The following KYAT3 variants were observed in gnomAD, a reference collection of about 807,000 sequenced individuals.
The protein encoded by KYAT3 is kynurenine aminotransferase 3.
A neutral mutation model predicts 59.0 loss-of-function variants in KYAT3; 50 were observed. That is an observed-to-expected ratio of 0.85 (90% confidence interval 0.68 to 1.07). The LOEUF (loss-of-function observed/expected upper bound fraction) is 1.07, where lower values mean the gene tolerates loss of function less well. Among genes scored for constraint, KYAT3 ranks in the 50% least tolerant of loss-of-function variants. The pLI, the probability that KYAT3 is intolerant of heterozygous loss-of-function variation, is 0.00. For missense variants in KYAT3, 497 were observed against 533.3 expected (o/e 0.93, Z 0.67); for synonymous variants, 148 against 177.0 (o/e 0.84, Z 1.30).
rs565824574 is a variant in KYAT3, at chr1:88,936,019, C to A, written c.*164G>T. 47 of 514,630 alleles carry A rather than the reference C, an allele frequency of 9.1e-5. No homozygotes were observed. Among genetic ancestry groups the A allele is most frequent in the Non-Finnish European group, 1.6e-4 (46 of 286,790 alleles). 31.9% of individuals were successfully genotyped at this position (514,630 alleles called of 1,614,324 possible). ...CAACTGGAAAAAAAAGGTCAGATCC[C>A]CCGAAAATGTTGTTAGGAGTTGGGT... is the stretch of plus-strand genomic sequence containing the variant. On this transcript the variant is annotated 3_prime_UTR_variant, in exon 14 of 14. Transcript: ENST00000260508.
At chr1:88,969,215 A>C (rs1389922512) in intron 3 of KYAT3, among the ~76,000 whole-genome samples, 194 bp downstream of exon 3, 1 of 152,222 alleles carries the variant, frequency 6.6e-6, no homozygotes, top group African/African-American at 2.4e-5. Flanking sequence ...GTGTCCAGCA[A>C]AGGGCATGGC....
At chr1:88,951,594 C>T (rs1222794977) in intron 10 of KYAT3, among the ~76,000 whole-genome samples, 2 of 151,330 alleles carry the variant, frequency 1.3e-5, no homozygotes, top group African/African-American at 4.8e-5. Context: ...TTTGATTATC[C>T]ATAGAATGAT....
intron 4 of KYAT3, among the ~76,000 whole-genome samples, chr1:88,965,741 C>G (rs543915202): frequency 1.3e-5 from 2 of 152,176 alleles, no homozygotes; most frequent in African/African-American, 4.8e-5. Flanking sequence ...TTCTGTCCAG[C>G]ATCTACCTCC....
At chr1:88,988,989 G>A (rs762398441) in intron 1 of KYAT3, among the ~76,000 whole-genome samples, 36 of 152,202 alleles carry the variant, frequency 2.4e-4, no homozygotes, top group Non-Finnish European at 4.1e-4. Context: ...ATTGATATCC[G>A]TCATGGGTAA....
rs5776007 is a variant in KYAT3 at position 88,941,531 on chromosome 1, AT to A, written c.1302+1473del. 1.4e-3 allele frequency among the ~76,000 whole-genome samples: 201 copies of A among 146,256 alleles called. No individual in the cohort carries two copies. The South Asian group carries it at 0.017, about 12-fold the overall frequency. On this transcript the variant is annotated intron_variant, in intron 13 of 13. Coordinates refer to ENST00000260508, the MANE Select transcript of KYAT3 (RefSeq NM_001008661.3). The stretch of plus-strand genomic sequence containing the variant: ...CCTAGATATAGCATTCTAGGCTGTT[AT>A]TTTTTTTTTTTTATGTCAGTGCTCA...
chr1:88,941,744 A>G (rs1675243432), intron 13 of KYAT3, among the ~76,000 whole-genome samples: 1 of 152,064 alleles, frequency 6.6e-6, no homozygotes, highest in Non-Finnish European at 1.5e-5. Context: ...GGATCTCACT[A>G]TGTTTCCCAG....
At chr1:88,943,854 T>A (rs1675337084) in intron 11 of KYAT3, among the ~76,000 whole-genome samples, 1 of 152,206 alleles carries the variant, frequency 6.6e-6, no homozygotes, top group Admixed American at 6.5e-5. Context: ...AAAAGTAAAG[T>A]GTCTGTTTGG....
intron 2 of KYAT3, among the ~76,000 whole-genome samples, chr1:88,977,193 A>T (rs956192304): frequency 6.0e-5 from 9 of 149,350 alleles, no homozygotes; most frequent in South Asian, 2.1e-4. Context: ...TTTTGTATTT[A>T]AAAAAAAATT....
chr1:88,930,986 A>G (rs548703105), downstream of KYAT3, among the ~76,000 whole-genome samples: 24 of 152,324 alleles, frequency 1.6e-4, no homozygotes, highest in African/African-American at 5.8e-4. Flanking sequence ...CCTCCAGGAA[A>G]CCAAGCCCCG....
the KYAT3 span, among the ~76,000 whole-genome samples, chr1:88,927,215 A>C: frequency 6.6e-6 from 1 of 151,874 alleles, no homozygotes; most frequent in Non-Finnish European, 1.5e-5. Context: ...GATGGGAAAC[A>C]TTCCCCCCAA....
intron 9 of KYAT3, 123 bp downstream of exon 9, chr1:88,955,026 A>G (rs1408876515): frequency 1.6e-6 from 1 of 645,034 alleles, no homozygotes; most frequent in African/African-American, 1.9e-5. Flanking sequence ...TTAGCCTCCC[A>G]AAGTGCTGGG....
rs145294121 is a variant in KYAT3, at chr1:88,973,031, G to A, written c.100-3564C>T. The stretch of plus-strand genomic sequence containing the variant: ...AATTAGTTAAGATGAGGTCATTAGC[G>A]TGAACCCTAATCCAATATGACTGGT... On this transcript the variant is annotated intron_variant, in intron 2 of 13. Coordinates refer to ENST00000260508, the MANE Select transcript of KYAT3 (RefSeq NM_001008661.3). Among the ~76,000 whole-genome samples, 964 of 152,246 alleles carry A rather than the reference G, an allele frequency of 6.3e-3. 9 individuals are homozygous for A. Among genetic ancestry groups the A allele is most frequent in the South Asian group, 0.039 (186 of 4,818 alleles).
In KYAT3 at chr1:88,969,390, T is replaced by C; in HGVS notation, c.158+19A>G. Reference sequence around the variant, plus strand: ...GTAGGAAACCCTCACTAAATTATTATTTATTTTAAGATACTCACCACACAT... The same window carrying C: ...GTAGGAAACCCTCACTAAATTATTACTTATTTTAAGATACTCACCACACAT... On this transcript the variant is annotated intron_variant, in intron 3 of 13. Coordinates refer to ENST00000260508, the MANE Select transcript of KYAT3 (RefSeq NM_001008661.3). 2 of 1,467,562 alleles carry C rather than the reference T, an allele frequency of 1.4e-6. No individual in the cohort carries two copies. Among genetic ancestry groups the C allele is most frequent in the Non-Finnish European group, 1.9e-6 (2 of 1,054,216 alleles). The allele number at this position is 1,467,562 out of a possible 1,614,324, so 90.9% of individuals were successfully genotyped here.
At chr1:88,951,634 T>C (rs1239936156) in intron 10 of KYAT3, among the ~76,000 whole-genome samples, 1 of 151,030 alleles carries the variant, frequency 6.6e-6, no homozygotes, top group Non-Finnish European at 1.5e-5. Context: ...CCATAATATA[T>C]ATTAAAAATA....
rs1557696773 is a variant in KYAT3, at chr1:88,969,478, TA to T, written c.100-12del. 1.3e-6 allele frequency: 2 copies of T among 1,523,556 alleles called. No homozygotes were observed. Among genetic ancestry groups the T allele is most frequent in the Admixed American group, 1.7e-5 (1 of 58,770 alleles). 94.4% of individuals were successfully genotyped at this position (1,523,556 alleles called of 1,614,324 possible). On this transcript the variant is annotated splice_polypyrimidine_tract_variant and intron_variant, in intron 2 of 13. Coordinates refer to ENST00000260508, the MANE Select transcript of KYAT3 (RefSeq NM_001008661.3). ...TTTCAGTGACATTTTCTGAAATATA[TA>T]AATATTGAAAAGGAATTGCCTTAGT...
chr1:88,954,687 T>C lies in KYAT3; in HGVS notation c.864+462A>G, dbSNP rs186832865. 2.1e-3 allele frequency among the ~76,000 whole-genome samples: 320 copies of C among 152,266 alleles called. 1 individual carries two copies. The highest frequency in any genetic ancestry group is 2.4e-3 in the Non-Finnish European group (161 of 68,020). On this transcript the variant is annotated intron_variant, in intron 9 of 13. Coordinates refer to ENST00000260508, the MANE Select transcript of KYAT3 (RefSeq NM_001008661.3). The stretch of plus-strand genomic sequence containing the variant: ...GATAAAACTCAACATGAAAGCCAAA[T>C]AAGTCAAGAGATAAGCAAAGATCAC...
intron 13 of KYAT3, among the ~76,000 whole-genome samples, chr1:88,940,630 T>A (rs938109064): frequency 6.6e-6 from 1 of 152,216 alleles, no homozygotes; most frequent in Non-Finnish European, 1.5e-5. Context: ...ACCACAGTTC[T>A]TACCAAATAA....
intron 13 of KYAT3, among the ~76,000 whole-genome samples, chr1:88,940,394 T>A (rs969042084): frequency 1.3e-5 from 2 of 152,202 alleles, no homozygotes; most frequent in Admixed American, 1.3e-4. Flanking sequence ...TTATTAATCA[T>A]TTTTGATTGA....
intron 2 of KYAT3, among the ~76,000 whole-genome samples, chr1:88,976,436 T>C (rs1428525403): frequency 6.6e-6 from 1 of 151,966 alleles, no homozygotes; most frequent in Admixed American, 6.5e-5. Context: ...ATTAGTCACG[T>C]GTTTGTGGTG....
Sources: allele counts gnomAD v4.1 joint callset (sites outside exome capture counted in the v4.1 genomes callset), GRCh38; gene constraint gnomAD v4.1.1; transcripts MANE v1.5; gene names NCBI Gene and HGNC (gene_info 2026-07-23, HGNC 2026-07-21).